The following CNNM3 variants were observed in gnomAD, a reference collection of about 807,000 sequenced individuals.
CNNM3 encodes cyclin and CBS domain divalent metal cation transport mediator 3, also known as metal transporter CNNM3.
Under a neutral mutation model 57.1 loss-of-function variants are expected in CNNM3, and 47 were observed. The observed-to-expected ratio is 0.82, with a 90% CI of 0.65 to 1.05. The LOEUF (loss-of-function observed/expected upper bound fraction) is 1.05, where lower values mean the gene tolerates loss of function less well. Among genes scored for constraint, CNNM3 ranks in the 50% least tolerant of loss-of-function variants. The probability of loss-of-function intolerance (pLI) is 0.00; values close to 1 mark genes in which losing one functional copy is unlikely to be tolerated. For missense variants in CNNM3, 957 were observed against 973.7 expected (o/e 0.98, Z 0.23); for synonymous variants, 507 against 478.2 (o/e 1.06, Z -0.79).
In CNNM3 at chr2:96,821,057, G is replaced by A. The variant is rs1030861553; in HGVS notation, c.1225+3555G>A. Among the ~76,000 whole-genome samples, 5 of 152,092 alleles carry A rather than the reference G, an allele frequency of 3.3e-5. No homozygotes were observed. The South Asian group carries it at 1.0e-3, about 32-fold the overall frequency. On this transcript the variant is annotated intron_variant, in intron 1 of 7. Transcript: ENST00000305510. ...CAACATGCTGAAAAGGATCCCCTTG[G>A]AAGACAGTGGGGGAGGTTTTTGGAA...
rs986837683 is a variant in CNNM3 at position 96,816,834 on chromosome 2, C to T, written c.557C>T (p.Pro186Leu). ...CGTGCGGCGGCGCGGCGTTTGGAGC[C>T]CGCGCGGCGCTGGGCCGGCTGCGCC... ...AERAAARRLE[P>L]ARRWAGCALG... The change falls in exon 1 of 8, where the codon CCC becomes CTC. Residue 186 changes from proline (P) to leucine (L), a missense_variant. Pro to Leu is a moderately conservative substitution (Grantham distance 98). Around this residue, in one of 2 missense-constraint regions of CNNM3, gnomAD observed 466 missense variants for 403.1 expected, o/e 1.16. Coordinates refer to ENST00000305510, the MANE Select transcript of CNNM3 (RefSeq NM_017623.5). 67 of 1,040,760 alleles carry T rather than the reference C, an allele frequency of 6.4e-5. No individual in the cohort carries two copies. The highest frequency in any genetic ancestry group is 7.2e-5 in the Non-Finnish European group (63 of 869,366). 64.5% of individuals were successfully genotyped at this position (1,040,760 alleles called of 1,614,324 possible). A position where few individuals can be genotyped will look rare whatever the true frequency, so the allele number is the denominator to read the frequency against.
Position 96,833,904 on chromosome 2 carries a change from C to G in CNNM3, c.*1288C>G, listed in dbSNP as rs905169852. On this transcript the variant is annotated 3_prime_UTR_variant, in exon 8 of 8. Transcript: ENST00000305510. ...GGAAACAGATGCTTTAAAATCCTCT[C>G]TCCAGAACAGTGGTTTTTTGTTTGT... is the stretch of plus-strand genomic sequence containing the variant. The G allele has an allele frequency of 6.6e-6, 1 of 152,224 alleles. No individual in the cohort carries two copies. Among genetic ancestry groups the G allele is most frequent in the Non-Finnish European group, 1.5e-5 (1 of 68,070 alleles). The allele number at this position is 152,224 out of a possible 1,614,324, so 9.4% of individuals were successfully genotyped here.
Position 96,817,517 on chromosome 2 carries a change from A to G in CNNM3, c.1225+15A>G, listed in dbSNP as rs2079342733. 6.2e-7 allele frequency: 1 copy of G among 1,603,850 alleles called. No individual in the cohort carries two copies. The highest frequency in any genetic ancestry group is 8.5e-7 in the Non-Finnish European group (1 of 1,173,578). On this transcript the variant is annotated intron_variant, in intron 1 of 7. Transcript: ENST00000305510. ...ATTCAAGCGAGGTAACGGCCCGGGCATGGTGCAGGGGACGCCCGTGCGAGT... is the reference window on the plus strand; with the variant it reads ...ATTCAAGCGAGGTAACGGCCCGGGCGTGGTGCAGGGGACGCCCGTGCGAGT...
At position 96,816,490 on chromosome 2, in the gene CNNM3, C is replaced by T; in HGVS notation, c.213C>T (p.Phe71=). The part of the protein sequence containing the change: ...TFLLRLFGPG[F]ANSSWSWVAP... ...TCCTGCGCCTCTTCGGCCCGGGCTTCGCCAACAGCTCTTGGTCCTGGGTGG... is the reference window on the plus strand; with the variant it reads ...TCCTGCGCCTCTTCGGCCCGGGCTTTGCCAACAGCTCTTGGTCCTGGGTGG... Residue 71 remains phenylalanine (F), a synonymous_variant, in exon 1 of 8, where the codon TTC becomes TTT. Transcript: ENST00000305510. 6.9e-7 allele frequency: 1 copy of T among 1,457,988 alleles called. No individual in the cohort carries two copies. The highest frequency in any genetic ancestry group is 1.3e-5 in the South Asian group (1 of 74,262). The allele number at this position is 1,457,988 out of a possible 1,614,324, so 90.3% of individuals were successfully genotyped here.
chr2:96,828,269 T>C (rs2079543654), intron 5 of CNNM3, 74 bp downstream of exon 5: 4 of 1,221,620 alleles, frequency 3.3e-6, no homozygotes, highest in Non-Finnish European at 3.6e-6. Context: ...TCACTTGGGC[T>C]CTCAGTGCCC....
intron 1 of CNNM3, chr2:96,824,695 G>A (rs2079467779): frequency 4.4e-6 from 1 of 227,286 alleles, no homozygotes; most frequent in South Asian, 7.7e-5. Context: ...TGTGCAGGCT[G>A]GCTGATGTGT....
chr2:96,821,612 A>G (rs898947094), intron 1 of CNNM3, among the ~76,000 whole-genome samples: 3 of 152,164 alleles, frequency 2.0e-5, no homozygotes, highest in African/African-American at 7.2e-5. Context: ...AATAACTTGG[A>G]CAGCTGCTCC....
rs1354476355 is a variant in CNNM3 at position 96,817,021 on chromosome 2, G to T, written c.744G>T (p.Thr248=). 1 of 1,365,038 alleles carries T rather than the reference G, an allele frequency of 7.3e-7. No homozygotes were observed. The highest frequency in any genetic ancestry group is 9.5e-7 in the Non-Finnish European group (1 of 1,054,528). 84.6% of individuals were successfully genotyped at this position (1,365,038 alleles called of 1,614,324 possible). ...VVPAAVSGRW[T]LALAPRALGL... Reference sequence around the variant, plus strand: ...CGGCCGCCGTGAGCGGGCGCTGGACGCTGGCGCTGGCGCCGCGAGCGCTCG... The same window carrying T: ...CGGCCGCCGTGAGCGGGCGCTGGACTCTGGCGCTGGCGCCGCGAGCGCTCG... The change falls in exon 1 of 8, where the codon ACG becomes ACT. Residue 248 remains threonine, a synonymous_variant. Coordinates refer to ENST00000305510, the MANE Select transcript of CNNM3 (RefSeq NM_017623.5).
intron 1 of CNNM3, among the ~76,000 whole-genome samples, chr2:96,823,450 C>T (rs974464585): frequency 3.3e-5 from 5 of 152,128 alleles, no homozygotes; most frequent in South Asian, 2.1e-4. Context: ...GTGGGGCAGC[C>T]GTGGCCCATG....
chr2:96,827,850 T>C lies in CNNM3; in HGVS notation c.1639T>C (p.Tyr547His), dbSNP rs925953854. ...DESNRLATHH[Y>H]LYQRSQPVDY... ...GAGCAACCGGCTGGCCACACACCACTACCTGTACCAGCGCAGCCAGCCGGT... is the reference window on the plus strand; with the variant it reads ...GAGCAACCGGCTGGCCACACACCACCACCTGTACCAGCGCAGCCAGCCGGT... Residue 547 changes from tyrosine to histidine, a missense_variant, in exon 4 of 8, where the codon TAC becomes CAC. This residue lies in a region of CNNM3 where 491 missense variants were observed against 570.6 expected (regional missense o/e 0.86). Transcript: ENST00000305510. 1.9e-6 allele frequency: 3 copies of C among 1,614,148 alleles called. No homozygotes were observed. The highest frequency in any genetic ancestry group is 2.5e-6 in the Non-Finnish European group (3 of 1,180,004).
chr2:96,825,354 A>G (rs1056617339), intron 2 of CNNM3, among the ~76,000 whole-genome samples, 153 bp downstream of exon 2: 14 of 152,168 alleles, frequency 9.2e-5, no homozygotes, highest in Non-Finnish European at 1.8e-4. Flanking sequence ...GTGCTGGCAG[A>G]GAGCCCCCTT....
chr2:96,827,711 C>CT lies in CNNM3; in HGVS notation c.1520-14dup, dbSNP rs752608693. ...CACTAGGCCCCAGTGGACACTGTCC[C>CT]TTTTTTCCACCACGTGCAGAAGTGG... On this transcript the variant is annotated intron_variant, in intron 3 of 7. Transcript: ENST00000305510. 9.3e-6 allele frequency: 15 copies of CT among 1,605,418 alleles called. No homozygotes were observed. Among genetic ancestry groups the CT allele is most frequent in the Non-Finnish European group, 1.1e-5 (13 of 1,173,594 alleles).
Position 96,832,543 on chromosome 2 carries a change from C to G in CNNM3, c.2060-9C>G, listed in dbSNP as rs1257431590. On this transcript the variant is annotated splice_polypyrimidine_tract_variant and intron_variant, in intron 7 of 7. Coordinates refer to ENST00000305510, the MANE Select transcript of CNNM3 (RefSeq NM_017623.5). ...TTGATGTTAATTCTCCTTCCCTTGT[C>G]TCCTGTAGGGTCCAGCCACAGCAGG... 1.2e-6 allele frequency: 2 copies of G among 1,614,206 alleles called. No individual in the cohort carries two copies. Among genetic ancestry groups the G allele is most frequent in the Non-Finnish European group, 1.7e-6 (2 of 1,180,032 alleles).
Position 96,828,149 on chromosome 2 carries a change from G to A in CNNM3, c.1740G>A (p.Gly580=). ...IGKEGLKFEN[G]AFTYYGVSAL... is the part of the protein sequence containing the mutation. Reference sequence around the variant, plus strand: ...AAGAGGGTCTGAAGTTTGAGAATGGGGCCTTCACGTACTATGGAGTGTCGG... The same window carrying A: ...AAGAGGGTCTGAAGTTTGAGAATGGAGCCTTCACGTACTATGGAGTGTCGG... Residue 580 remains glycine (G), a synonymous_variant, in exon 5 of 8, where the codon GGG becomes GGA. Transcript: ENST00000305510. 6.2e-7 allele frequency: 1 copy of A among 1,614,084 alleles called. No homozygotes were observed. The highest frequency in any genetic ancestry group is 8.5e-7 in the Non-Finnish European group (1 of 1,180,002).
At position 96,824,994 on chromosome 2, in the gene CNNM3, A is replaced by G. The variant is rs538847850; in HGVS notation, c.1226-64A>G. 348 of 1,595,500 alleles carry G rather than the reference A, an allele frequency of 2.2e-4. 2 individuals carry two copies. In the East Asian group the frequency reaches 7.3e-3, roughly 34 times the overall value. The stretch of plus-strand genomic sequence containing the variant: ...CGTGTCCTTTTGGTGGGCCTATACC[A>G]GGGGAGATGAATCAAACTGGGGGGG... On this transcript the variant is annotated intron_variant, in intron 1 of 7. Coordinates refer to ENST00000305510, the MANE Select transcript of CNNM3 (RefSeq NM_017623.5).
Position 96,816,552 on chromosome 2 carries a change from C to T in CNNM3, c.275C>T (p.Ser92Phe), listed in dbSNP as rs1420832986. Residue 92 changes from serine (S) to phenylalanine (F), a missense_variant, in exon 1 of 8, where the codon TCC becomes TTC. Coordinates refer to ENST00000305510, the MANE Select transcript of CNNM3 (RefSeq NM_017623.5). ...EGAGCREEAASPAGEWRALLR... is the reference protein window; with the variant it reads ...EGAGCREEAAFPAGEWRALLR... ...GCGGGCTGCCGGGAGGAGGCGGCCT[C>T]CCCCGCGGGCGAGTGGCGCGCGCTG... is the stretch of plus-strand genomic sequence containing the variant. 2.3e-6 allele frequency: 3 copies of T among 1,322,470 alleles called. No individual in the cohort carries two copies. The highest frequency in any genetic ancestry group is 2.1e-5 in the South Asian group (1 of 48,368). 81.9% of individuals were successfully genotyped at this position (1,322,470 alleles called of 1,614,324 possible).
Position 96,816,678 on chromosome 2 carries a change from CCTGGGCT to C in CNNM3, c.408_414del (p.Leu137TrpfsTer18). 1 of 1,025,944 alleles carries C rather than the reference CCTGGGCT, an allele frequency of 9.7e-7. No individual in the cohort carries two copies. Among genetic ancestry groups the C allele is most frequent in the Non-Finnish European group, 1.2e-6 (1 of 858,488 alleles). The allele number at this position is 1,025,944 out of a possible 1,614,324, so 63.6% of individuals were successfully genotyped here. ...GGGGCGGCTGAGGAGGCGGCGCCGC[CCTGGGCT>C]CTGGGCCTGGGGGCGGCCGGGCTGC... On this transcript the variant is annotated frameshift_variant, in exon 1 of 8. Coordinates refer to ENST00000305510, the MANE Select transcript of CNNM3 (RefSeq NM_017623.5). LOFTEE classifies it high-confidence loss of function.
At chr2:96,825,947 G>A (rs529750463) in intron 2 of CNNM3, among the ~76,000 whole-genome samples, 2 of 152,340 alleles carry the variant, frequency 1.3e-5, no homozygotes, top group East Asian at 3.9e-4. Flanking sequence ...CATGGTAAAA[G>A]TGTCCGCCTG....
In CNNM3 at chr2:96,828,084, T is replaced by C; in HGVS notation, c.1690-15T>C. On this transcript the variant is annotated splice_polypyrimidine_tract_variant and intron_variant, in intron 4 of 7. Transcript: ENST00000305510. ...ATCTGGCCGCATCTGTTTCTCTCCT[T>C]GCCACTCCTCCCAGGGCAGGGTTGA... 1 of 1,611,612 alleles carries C rather than the reference T, an allele frequency of 6.2e-7. No individual in the cohort carries two copies. The highest frequency in any genetic ancestry group is 8.5e-7 in the Non-Finnish European group (1 of 1,177,872).
Sources: gnomAD v4.1 joint callset for allele counts (sites outside exome capture counted in the v4.1 genomes callset) on GRCh38, gnomAD v4.1.1 for gene constraint, gnomAD v4.1.1 regional missense constraint, MANE v1.5 for transcripts, NCBI Gene and HGNC (gene_info 2026-07-23, HGNC 2026-07-21) for gene names.